The following SIK2 variants were observed in gnomAD, a reference collection of about 807,000 sequenced individuals.
The protein encoded by SIK2 is salt inducible kinase 2.
SIK2 carries 29 observed loss-of-function variants against 103.2 expected under a neutral mutation model. The ratio of observed to expected loss-of-function variants is 0.28; its 90% confidence interval spans 0.21 to 0.38. The LOEUF is 0.38. Among genes scored for constraint, SIK2 ranks in the 10% least tolerant of loss-of-function variants. The pLI, the probability that SIK2 is intolerant of heterozygous loss-of-function variation, is 1.00. For missense variants in SIK2, 879 were observed against 1,171.0 expected, an observed-to-expected ratio of 0.75 and a Z score of 3.64; for synonymous variants, 412 against 446.1, an observed-to-expected ratio of 0.92 and a Z score of 0.96.
Position 111,701,303 on chromosome 11 carries a change from T to G in SIK2, c.604-149T>G. Reference sequence around the variant, plus strand: ...AGATACTTATTGTAGTAGTCAGGGTTTTGGATTTTTTTCAAATTCTGAGAA... The same window carrying G: ...AGATACTTATTGTAGTAGTCAGGGTGTTGGATTTTTTTCAAATTCTGAGAA... On this transcript the variant is annotated intron_variant, in intron 5 of 14. Coordinates refer to ENST00000304987, the MANE Select transcript of SIK2 (RefSeq NM_015191.3). The surrounding 1 kb of genome is among the most constrained non-coding windows in gnomAD (Gnocchi z 4.2). 9.1e-7 allele frequency: 1 copy of G among 1,102,004 alleles called. No individual in the cohort carries two copies. Among genetic ancestry groups the G allele is most frequent in the Non-Finnish European group, 1.3e-6 (1 of 793,854 alleles). 68.3% of individuals were successfully genotyped at this position (1,102,004 alleles called of 1,614,324 possible).
chr11:111,667,158 A>T (rs1942555884), intron 3 of SIK2, among the ~76,000 whole-genome samples: 1 of 152,020 alleles, frequency 6.6e-6, no homozygotes, highest in Admixed American at 6.6e-5. Context: ...CATGTTGGCC[A>T]GGCTGGTCTC....
At position 111,726,383 on chromosome 11, in the gene SIK2, C is replaced by A. The variant is rs1943967073; in HGVS notation, c.*2254C>A. On this transcript the variant is annotated 3_prime_UTR_variant, in exon 15 of 15. Transcript: ENST00000304987. ...AGAGAGGCTACTGGAAGGTTAAGGA[C>A]CCAGAGAGAAATCGAGAGGTGCCCT... 1 of 152,910 alleles carries A rather than the reference C, an allele frequency of 6.5e-6. No homozygotes were observed. Among genetic ancestry groups the A allele is most frequent in the Non-Finnish European group, 1.5e-5 (1 of 68,580 alleles). 9.5% of individuals were successfully genotyped at this position (152,910 alleles called of 1,614,324 possible). A position where few individuals can be genotyped will look rare whatever the true frequency, so the allele number is the denominator to read the frequency against.
rs529001575 is a variant in SIK2 at position 111,627,990 on chromosome 11, T to C, written c.316+7588T>C. On this transcript the variant is annotated intron_variant, in intron 3 of 14. Coordinates refer to ENST00000304987, the MANE Select transcript of SIK2 (RefSeq NM_015191.3). ...TCAAGTACATTTTATATAATTCCTG[T>C]TTAATCTTCCTAAAGTATTATTTTT... Among the ~76,000 whole-genome samples, 50 of 152,362 alleles carry C rather than the reference T, an allele frequency of 3.3e-4. 1 individual carries two copies. The highest frequency in any genetic ancestry group is 2.6e-3 in the Admixed American group (40 of 15,300).
chr11:111,646,092 G>C (rs1942252567), intron 3 of SIK2, among the ~76,000 whole-genome samples: 1 of 152,156 alleles, frequency 6.6e-6, no homozygotes, highest in Non-Finnish European at 1.5e-5. Context: ...GCGCACATGA[G>C]TGTATGTGTA....
intron 9 of SIK2, among the ~76,000 whole-genome samples, chr11:111,719,051 T>C (rs562053953): frequency 1.3e-5 from 2 of 152,326 alleles, no homozygotes; most frequent in African/African-American, 2.4e-5. Flanking sequence ...ATAACGTATA[T>C]GTTGCTGGAG....
chr11:111,678,894 C>G (rs932355193), intron 3 of SIK2, among the ~76,000 whole-genome samples: 3 of 152,158 alleles, frequency 2.0e-5, no homozygotes, highest in Non-Finnish European at 4.4e-5. Context: ...TAAGGTATGA[C>G]TCTCCCAGCA....
intron 7 of SIK2, among the ~76,000 whole-genome samples, chr11:111,704,358 A>G (rs1450840801): frequency 6.6e-6 from 1 of 152,172 alleles, no homozygotes; most frequent in Non-Finnish European, 1.5e-5. Flanking sequence ...CTGTTCCCTC[A>G]ATATCTGGGA....
In SIK2 at chr11:111,724,381, G is replaced by A. The variant is rs1287891711; in HGVS notation, c.*252G>A. 1.9e-6 allele frequency: 1 copy of A among 530,146 alleles called. No homozygotes were observed. The highest frequency in any genetic ancestry group is 3.4e-6 in the Non-Finnish European group (1 of 298,090). 32.8% of individuals were successfully genotyped at this position (530,146 alleles called of 1,614,324 possible). A position where few individuals can be genotyped will look rare whatever the true frequency, so the allele number is the denominator to read the frequency against. ...GAGGCTCCTGCCCTTCGGTCGAGTG[G>A]AGCAAGCTCTCGAGGGCAGCACTGA... On this transcript the variant is annotated 3_prime_UTR_variant, in exon 15 of 15. Transcript: ENST00000304987.
At chr11:111,721,777 G>A in intron 12 of SIK2, 53 bp from the exon 13 acceptor site, 1 of 1,417,480 alleles carries the variant, frequency 7.1e-7, no homozygotes, top group South Asian at 1.3e-5. Flanking sequence ...TAAGAACTGA[G>A]ACGTTTTTCC....
intron 9 of SIK2, 70 bp from the exon 10 acceptor site, chr11:111,719,705 T>C (rs2135968514): frequency 1.4e-6 from 2 of 1,464,972 alleles, no homozygotes; most frequent in South Asian, 1.2e-5. Context: ...AGTCTTGACA[T>C]GTTTTCCTTT....
At position 111,722,655 on chromosome 11, in the gene SIK2, G is replaced by C. The variant is rs764296232; in HGVS notation, c.2056-10G>C. The C allele has an allele frequency of 6.2e-7, 1 of 1,612,494 alleles. No individual in the cohort carries two copies. Among genetic ancestry groups the C allele is most frequent in the Non-Finnish European group, 8.5e-7 (1 of 1,179,430 alleles). On this transcript the variant is annotated splice_polypyrimidine_tract_variant and intron_variant, in intron 13 of 14. Transcript: ENST00000304987. This position sits in a 1 kb window ranked among gnomAD's most constrained non-coding sequence, Gnocchi z 4.4. ...ATTGTCACGCTCATGTTGTTTTTCT[G>C]CTCTTCCAGAAGCCCAGCCTTCTGT...
rs79284325 is a variant in SIK2, at chr11:111,680,830, G to A, written c.317-7171G>A. ...TGTATCAGGCACTATGCTATGAAAT[G>A]TACTTATCTATAAGTGCAGACTGAA... On this transcript the variant is annotated intron_variant, in intron 3 of 14. Transcript: ENST00000304987. Among the ~76,000 whole-genome samples, 65 of 152,346 alleles carry A rather than the reference G, an allele frequency of 4.3e-4. No individual in the cohort carries two copies. In the East Asian group the frequency reaches 0.011, roughly 26 times the overall value.
Position 111,604,268 on chromosome 11 carries a change from G to C in SIK2, c.135+1570G>C, listed in dbSNP as rs146824872. ...TTCCCTTTAAGTTACATAAAAGAAG[G>C]CATTTTAAATGCATGTTTTATGAGT... On this transcript the variant is annotated intron_variant, in intron 1 of 14. Transcript: ENST00000304987. Among the ~76,000 whole-genome samples the C allele has an allele frequency of 1.6e-3, 246 of 152,348 alleles. 2 individuals carry two copies. The highest frequency in any genetic ancestry group is 5.4e-3 in the African/African-American group (225 of 41,594).
chr11:111,673,812 C>T (rs1362899915), intron 3 of SIK2, among the ~76,000 whole-genome samples: 1 of 152,110 alleles, frequency 6.6e-6, no homozygotes, highest in East Asian at 1.9e-4. Context: ...TGGTGGTTCA[C>T]ACCTGTAATC....
intron 3 of SIK2, among the ~76,000 whole-genome samples, chr11:111,685,963 CTGTT>C (rs1942840350): frequency 6.6e-6 from 1 of 152,212 alleles, no homozygotes; most frequent in African/African-American, 2.4e-5. Flanking sequence ...CCCAGATTGA[CTGTT>C]CAGTCACCAG....
chr11:111,700,128 T>G (rs1943179207), intron 4 of SIK2, among the ~76,000 whole-genome samples: 1 of 152,246 alleles, frequency 6.6e-6, no homozygotes, highest in Non-Finnish European at 1.5e-5. Context: ...ACTAAATTTT[T>G]TAATGCATGT....
intron 9 of SIK2, among the ~76,000 whole-genome samples, chr11:111,719,555 G>A (rs879933848): frequency 7.2e-4 from 110 of 152,174 alleles, no homozygotes; most frequent in Admixed American, 3.2e-3. Flanking sequence ...GGGCAGCAGT[G>A]CCAGTTTGGG....
Position 111,727,601 on chromosome 11 carries a change from A to G in SIK2, c.*3472A>G, listed in dbSNP as rs648033. The G allele has an allele frequency of 0.97, 149,843 of 155,208 alleles. 72,568 individuals are homozygous for G. The highest frequency in any genetic ancestry group is 1 in the East Asian group (5,268 of 5,268). 9.6% of individuals were successfully genotyped at this position (155,208 alleles called of 1,614,324 possible). A position where few individuals can be genotyped will look rare whatever the true frequency, so the allele number is the denominator to read the frequency against. Reference sequence around the variant, plus strand: ...CGTGGACCAAAGTCTCCAGCAGAAGAGACTCATCATAAGACTGACGACTCC... The same window carrying G: ...CGTGGACCAAAGTCTCCAGCAGAAGGGACTCATCATAAGACTGACGACTCC... On this transcript the variant is annotated 3_prime_UTR_variant, in exon 15 of 15. Coordinates refer to ENST00000304987, the MANE Select transcript of SIK2 (RefSeq NM_015191.3).
chr11:111,643,113 G>A (rs964622583), intron 3 of SIK2, among the ~76,000 whole-genome samples: 10 of 151,954 alleles, frequency 6.6e-5, no homozygotes, highest in African/African-American at 2.4e-4. Flanking sequence ...ATTGGTTTAT[G>A]TATCTTTCTT....
Sources: gnomAD v4.1 joint callset for allele counts (sites outside exome capture counted in the v4.1 genomes callset) on GRCh38, gnomAD v4.1.1 for gene constraint, Gnocchi (gnomAD v3.1) non-coding constraint, MANE v1.5 for transcripts, NCBI Gene and HGNC (gene_info 2026-07-23, HGNC 2026-07-21) for gene names.